The following USP17L7 variants were observed in gnomAD, a reference collection of about 807,000 sequenced individuals.
USP17L7 encodes ubiquitin specific peptidase 17 like family member 7, also known as inactive ubiquitin carboxyl-terminal hydrolase 17-like protein 7.
Under a neutral mutation model 37.6 loss-of-function variants are expected in USP17L7, and 53 were observed. The observed-to-expected ratio is 1.41, with a 90% CI of 1.13 to 1.77. The LOEUF is 1.77. USP17L7 is among the 40% of genes most tolerant of loss of function. The pLI is 0.00. For missense variants in USP17L7, 914 were observed against 645.0 expected (o/e 1.42, Z -4.52); for synonymous variants, 330 against 251.0 (o/e 1.31, Z -2.98).
rs573920491 is a variant in USP17L7 at position 12,133,580 on chromosome 8, G to A, written c.430C>T (p.Gln144Ter). ...CCAGCAGCCAATACCTGTGAGGGCT[G>A]GATGACATGGCCAGGACTGTGGAGG... ...WALHSPGHVI[Q>*]PSQVLAAGFH... Residue 144 changes from glutamine to a stop codon, truncating the protein, a stop_gained, in exon 1 of 1, where the codon CAG (glutamine) becomes TAG (stop). Coordinates refer to ENST00000530447, the MANE Select transcript of USP17L7 (RefSeq NM_001256869.2). LOFTEE classifies it high-confidence loss of function. 2 of 1,351,266 alleles carry A rather than the reference G, an allele frequency of 1.5e-6. No individual in the cohort carries two copies. Among genetic ancestry groups the A allele is most frequent in the Non-Finnish European group, 1.0e-6 (1 of 967,068 alleles). The allele number at this position is 1,351,266 out of a possible 1,614,324, so 83.7% of individuals were successfully genotyped here. A position where few individuals can be genotyped will look rare whatever the true frequency, so the allele number is the denominator to read the frequency against.
In USP17L7 at chr8:12,132,747, G is replaced by C. The variant is rs191378034; in HGVS notation, c.1263C>G (p.Asp421Glu). 5 of 1,530,748 alleles carry C rather than the reference G, an allele frequency of 3.3e-6. No individual in the cohort carries two copies. Among genetic ancestry groups the C allele is most frequent in the Admixed American group, 1.7e-5 (1 of 57,232 alleles). The allele number at this position is 1,530,748 out of a possible 1,614,324, so 94.8% of individuals were successfully genotyped here. A position where few individuals can be genotyped will look rare whatever the true frequency, so the allele number is the denominator to read the frequency against. ...GAGTGGCTCTTTCCACCAAGTGCTCGTCCAACTCGGGTACCTGGAGGCAAG... is the reference window on the plus strand; with the variant it reads ...GAGTGGCTCTTTCCACCAAGTGCTCCTCCAACTCGGGTACCTGGAGGCAAG... The part of the protein sequence containing the change: ...DHPCLQVPEL[D>E]EHLVERATQE... The change falls in exon 1 of 1, where the codon GAC becomes GAG. Residue 421 changes from aspartate to glutamate, a missense_variant. Transcript: ENST00000530447.
At position 12,133,663 on chromosome 8, in the gene USP17L7, G is replaced by T. The variant is rs150814956; in HGVS notation, c.347C>A (p.Thr116Lys). ...CATGCAGCACTTGTGAAGATGACAC[G>T]TTTGAGAGTCCTCCCGGGACAGCAT... is the stretch of plus-strand genomic sequence containing the variant. ...NYMLSREDSQ[T>K]CHLHKCCMFC... The change falls in exon 1 of 1, where the codon ACG becomes AAG. Residue 116 changes from threonine (T) to lysine (K), a missense_variant. Thr to Lys is a moderately conservative substitution (Grantham distance 78, BLOSUM62 -1). Coordinates refer to ENST00000530447, the MANE Select transcript of USP17L7 (RefSeq NM_001256869.2). 2.2e-3 allele frequency: 2,744 copies of T among 1,234,998 alleles called. 223 individuals carry two copies. In the African/African-American group the frequency reaches 0.036, roughly 16 times the overall value. The allele number at this position is 1,234,998 out of a possible 1,614,324, so 76.5% of individuals were successfully genotyped here. A position where few individuals can be genotyped will look rare whatever the true frequency, so the allele number is the denominator to read the frequency against.
At position 12,133,760 on chromosome 8, in the gene USP17L7, T is replaced by G. The variant is rs1394108707; in HGVS notation, c.250A>C (p.Lys84Gln). The G allele has an allele frequency of 6.8e-7, 1 of 1,462,192 alleles. No homozygotes were observed. The highest frequency in any genetic ancestry group is 1.4e-5 in the African/African-American group (1 of 70,694). The allele number at this position is 1,462,192 out of a possible 1,614,324, so 90.6% of individuals were successfully genotyped here. The stretch of plus-strand genomic sequence containing the variant: ...TTCACATAGAAGGTATTTCCTATCT[T>G]CTGGAGCCCAGCCCCCACCGCAGCA... ...RPAAVGAGLQ[K>Q]IGNTFYVNVS... Residue 84 changes from lysine to glutamine, a missense_variant, in exon 1 of 1, where the codon AAG becomes CAG. Physicochemically the swap from Lys to Gln is moderately conservative, Grantham distance 53 (BLOSUM62 1). Transcript: ENST00000530447.
At position 12,132,946 on chromosome 8, in the gene USP17L7, G is replaced by A; in HGVS notation, c.1064C>T (p.Thr355Ile). 2.0e-6 allele frequency: 3 copies of A among 1,529,588 alleles called. No homozygotes were observed. The highest frequency in any genetic ancestry group is 2.7e-6 in the Non-Finnish European group (3 of 1,125,106). 94.8% of individuals were successfully genotyped at this position (1,529,588 alleles called of 1,614,324 possible). The part of the protein sequence containing the change: ...QWYKMDDAEV[T>I]ASGITSVLSQ... ...CAGGACAGAGGTGATGCCAGAGGCA[G>A]TGACCTCGGCATCATCCATTTTATA... The change falls in exon 1 of 1, where the codon ACT (threonine) becomes ATT (isoleucine). Residue 355 changes from threonine to isoleucine, a missense_variant. Thr to Ile is a moderately conservative substitution (Grantham distance 89). Coordinates refer to ENST00000530447, the MANE Select transcript of USP17L7 (RefSeq NM_001256869.2).
rs1585159995 is a variant in USP17L7, at chr8:12,133,477, G to T, written c.533C>A (p.Pro178His). The change falls in exon 1 of 1, where the codon CCC (proline) becomes CAC (histidine). Residue 178 changes from proline to histidine, a missense_variant. By Grantham distance (77) the Pro-to-His change is moderately conservative (BLOSUM62 -2). Coordinates refer to ENST00000530447, the MANE Select transcript of USP17L7 (RefSeq NM_001256869.2). The part of the protein sequence containing the change: ...TVDAMKKACL[P>H]GHKQLDHHSK... ...GTGATGATCTAGCTGCTTGTGCCCG[G>T]GAAGGCATGCCTTTTTCATGGCATC... is the stretch of plus-strand genomic sequence containing the variant. The T allele has an allele frequency of 6.8e-7, 1 of 1,475,070 alleles. No homozygotes were observed. The highest frequency in any genetic ancestry group is 2.6e-5 in the East Asian group (1 of 38,296). The allele number at this position is 1,475,070 out of a possible 1,614,324, so 91.4% of individuals were successfully genotyped here. A position where few individuals can be genotyped will look rare whatever the true frequency, so the allele number is the denominator to read the frequency against.
rs1411629770 is a variant in USP17L7, at chr8:12,133,741, T to C, written c.269A>G (p.Tyr90Cys). 1 of 1,392,228 alleles carries C rather than the reference T, an allele frequency of 7.2e-7. No homozygotes were observed. The highest frequency in any genetic ancestry group is 1.0e-6 in the Non-Finnish European group (1 of 1,003,414). 86.2% of individuals were successfully genotyped at this position (1,392,228 alleles called of 1,614,324 possible). A position where few individuals can be genotyped will look rare whatever the true frequency, so the allele number is the denominator to read the frequency against. The change falls in exon 1 of 1, where the codon TAT becomes TGT. Residue 90 changes from tyrosine (Y) to cysteine (C), a missense_variant. By Grantham distance (194) the Tyr-to-Cys change is radical. Coordinates refer to ENST00000530447, the MANE Select transcript of USP17L7 (RefSeq NM_001256869.2). Reference sequence around the variant, plus strand: ...CAGGCACTGCAGGGAAACGTTCACATAGAAGGTATTTCCTATCTTCTGGAG... The same window carrying C: ...CAGGCACTGCAGGGAAACGTTCACACAGAAGGTATTTCCTATCTTCTGGAG... ...AGLQKIGNTF[Y>C]VNVSLQCLTY...
In USP17L7 at chr8:12,133,681, G is replaced by T. The variant is rs755205358; in HGVS notation, c.329C>A (p.Ser110Tyr). ...YTLPLSNYML[S>Y]REDSQTCHLH... ...ATGACACGTTTGAGAGTCCTCCCGG[G>T]ACAGCATGTAGTTGGAAAGCGGCAG... Residue 110 changes from serine (S) to tyrosine (Y), a missense_variant, in exon 1 of 1, where the codon TCC becomes TAC. Transcript: ENST00000530447. The T allele has an allele frequency of 1.6e-6, 2 of 1,256,248 alleles. 1 individual carries two copies. Among genetic ancestry groups the T allele is most frequent in the Non-Finnish European group, 2.3e-6 (2 of 879,386 alleles). The allele number at this position is 1,256,248 out of a possible 1,614,324, so 77.8% of individuals were successfully genotyped here.
In USP17L7 at chr8:12,133,541, C is replaced by T. The variant is rs765255328; in HGVS notation, c.469G>A (p.Glu157Lys). The T allele has an allele frequency of 1.9e-4, 270 of 1,438,508 alleles. 27 individuals carry two copies. Among genetic ancestry groups the T allele is most frequent in the Middle Eastern group, 2.5e-4 (1 of 3,970 alleles). The allele number at this position is 1,438,508 out of a possible 1,614,324, so 89.1% of individuals were successfully genotyped here. A position where few individuals can be genotyped will look rare whatever the true frequency, so the allele number is the denominator to read the frequency against. ...AGAAATTCATGGGCATCCTCCTGCTCACCTCTATGGAAGCCAGCAGCCAAT... is the reference window on the plus strand; with the variant it reads ...AGAAATTCATGGGCATCCTCCTGCTTACCTCTATGGAAGCCAGCAGCCAAT... ...QVLAAGFHRGEQEDAHEFLMF... is the reference protein window; with the variant it reads ...QVLAAGFHRGKQEDAHEFLMF... The change falls in exon 1 of 1, where the codon GAG (glutamate) becomes AAG (lysine). Residue 157 changes from glutamate to lysine, a missense_variant. Glu to Lys is a moderately conservative substitution (Grantham distance 56, BLOSUM62 1). Coordinates refer to ENST00000530447, the MANE Select transcript of USP17L7 (RefSeq NM_001256869.2).
Position 12,133,082 on chromosome 8 carries a change from G to T in USP17L7, c.928C>A (p.Gln310Lys). 1 of 1,491,176 alleles carries T rather than the reference G, an allele frequency of 6.7e-7. No homozygotes were observed. Among genetic ancestry groups the T allele is most frequent in the Non-Finnish European group, 9.1e-7 (1 of 1,093,056 alleles). The allele number at this position is 1,491,176 out of a possible 1,614,324, so 92.4% of individuals were successfully genotyped here. The change falls in exon 1 of 1, where the codon CAG becomes AAG. Residue 310 changes from glutamine to lysine, a missense_variant. Transcript: ENST00000530447. Reference protein sequence around the residue: ...CRDMQPYMSQQNTGPLVYVLY... With the variant: ...CRDMQPYMSQKNTGPLVYVLY... ...ACATAGACAAGAGGTCCTGTGTTCT[G>T]CTGAGACATGTATGGCTGCATGTCA...
At position 12,132,693 on chromosome 8, in the gene USP17L7, G is replaced by A. The variant is rs758444853; in HGVS notation, c.1317C>T (p.Phe439=). 6 of 1,544,452 alleles carry A rather than the reference G, an allele frequency of 3.9e-6. No individual in the cohort carries two copies. The highest frequency in any genetic ancestry group is 5.3e-6 in the Non-Finnish European group (6 of 1,139,624). Reference sequence around the variant, plus strand: ...GCTTCGTTTTGTTTTGCTCTTGGGGGAATTTCCAGTGGTCTAAGGTGCTTT... The same window carrying A: ...GCTTCGTTTTGTTTTGCTCTTGGGGAAATTTCCAGTGGTCTAAGGTGCTTT... ...TQESTLDHWK[F]PQEQNKTKPE... Residue 439 remains phenylalanine (F), a synonymous_variant, in exon 1 of 1, where the codon TTC becomes TTT. Coordinates refer to ENST00000530447, the MANE Select transcript of USP17L7 (RefSeq NM_001256869.2).
In USP17L7 at chr8:12,133,391, A is replaced by G. The variant is rs755475025; in HGVS notation, c.619T>C (p.Tyr207His). The part of the protein sequence containing the change: ...FGAYWRSQIK[Y>H]LHCHGVSDTF... ...TCTGAAACGCCGTGGCAGTGGAGAT[A>G]CTTGATTTGAGATCTCCAATACGCT... Residue 207 changes from tyrosine to histidine, a missense_variant, in exon 1 of 1, where the codon TAT (tyrosine) becomes CAT (histidine). Coordinates refer to ENST00000530447, the MANE Select transcript of USP17L7 (RefSeq NM_001256869.2). 8.9e-6 allele frequency: 13 copies of G among 1,456,740 alleles called. No individual in the cohort carries two copies. The highest frequency in any genetic ancestry group is 5.2e-5 in the East Asian group (2 of 38,216). 90.2% of individuals were successfully genotyped at this position (1,456,740 alleles called of 1,614,324 possible).
In USP17L7 at chr8:12,133,081, T is replaced by C. The variant is rs776115530; in HGVS notation, c.929A>G (p.Gln310Arg). 4.7e-6 allele frequency: 7 copies of C among 1,491,210 alleles called. No homozygotes were observed. The highest frequency in any genetic ancestry group is 6.4e-6 in the Non-Finnish European group (7 of 1,093,010). The allele number at this position is 1,491,210 out of a possible 1,614,324, so 92.4% of individuals were successfully genotyped here. A position where few individuals can be genotyped will look rare whatever the true frequency, so the allele number is the denominator to read the frequency against. ...CRDMQPYMSQ[Q>R]NTGPLVYVLY... ...GACATAGACAAGAGGTCCTGTGTTC[T>C]GCTGAGACATGTATGGCTGCATGTC... is the stretch of plus-strand genomic sequence containing the variant. Residue 310 changes from glutamine to arginine, a missense_variant, in exon 1 of 1, where the codon CAG (glutamine) becomes CGG (arginine). Transcript: ENST00000530447.
At position 12,133,973 on chromosome 8, in the gene USP17L7, G is replaced by A. The variant is rs761560267; in HGVS notation, c.37C>T (p.Gln13Ter). Residue 13 changes from glutamine to a stop codon, truncating the protein, a stop_gained, in exon 1 of 1, where the codon CAG (glutamine) becomes TAG (stop). Coordinates refer to ENST00000530447, the MANE Select transcript of USP17L7 (RefSeq NM_001256869.2). LOFTEE classifies it high-confidence loss of function. Reference protein sequence around the residue: ...DDSLYLGGDWQFNHFSKLTSS... With the variant: ...DDSLYLGGDW ...GTGAGTTTTGAAAAGTGATTGAACT[G>A]CCAGTCACCTCCCAAATAGAGTGAG... 5 of 1,162,334 alleles carry A rather than the reference G, an allele frequency of 4.3e-6. No homozygotes were observed. Among genetic ancestry groups the A allele is most frequent in the African/African-American group, 1.5e-5 (1 of 65,892 alleles). The allele number at this position is 1,162,334 out of a possible 1,614,324, so 72.0% of individuals were successfully genotyped here.
rs1319618275 is a variant in USP17L7, at chr8:12,133,886, G to A, written c.124C>T (p.Pro42Ser). 1.4e-5 allele frequency: 21 copies of A among 1,504,086 alleles called. 2 individuals carry two copies. Among genetic ancestry groups the A allele is most frequent in the Middle Eastern group, 2.4e-4 (1 of 4,104 alleles). 93.2% of individuals were successfully genotyped at this position (1,504,086 alleles called of 1,614,324 possible). A position where few individuals can be genotyped will look rare whatever the true frequency, so the allele number is the denominator to read the frequency against. ...TCGAAACGGGTCTCAGATGAGAGTGGTGACTTTTCAGAGAGAGAAGTCCGC... is the reference window on the plus strand; with the variant it reads ...TCGAAACGGGTCTCAGATGAGAGTGATGACTTTTCAGAGAGAGAAGTCCGC... ...IQRTSLSEKS[P>S]LSSETRFDLC... The change falls in exon 1 of 1, where the codon CCA (proline) becomes TCA (serine). Residue 42 changes from proline to serine, a missense_variant. Physicochemically the swap from Pro to Ser is moderately conservative, Grantham distance 74. Transcript: ENST00000530447.
Position 12,134,024 on chromosome 8 carries a change from G to A in USP17L7, c.-15C>T, listed in dbSNP as rs747645601. 2.5e-5 allele frequency: 24 copies of A among 954,800 alleles called. 4 individuals are homozygous for A. The Admixed American group carries it at 3.0e-4, about 12-fold the overall frequency. 59.1% of individuals were successfully genotyped at this position (954,800 alleles called of 1,614,324 possible). On this transcript the variant is annotated 5_prime_UTR_variant, in exon 1 of 1. Transcript: ENST00000530447. ...TCGTCTTCCATGTCGCCCGCAACAA[G>A]GATCACAAGGTTTTTCTGCTGGGAC... is the stretch of plus-strand genomic sequence containing the variant.
chr8:12,133,615 A>T lies in USP17L7; in HGVS notation c.395T>A (p.Ile132Asn), dbSNP rs1308378334. 3 of 1,250,362 alleles carry T rather than the reference A, an allele frequency of 2.4e-6. 1 individual carries two copies. The highest frequency in any genetic ancestry group is 2.7e-5 in the South Asian group (2 of 74,330). The allele number at this position is 1,250,362 out of a possible 1,614,324, so 77.5% of individuals were successfully genotyped here. Residue 132 changes from isoleucine to asparagine, a missense_variant, in exon 1 of 1, where the codon ATC becomes AAC. Ile to Asn is a moderately radical substitution (Grantham distance 149). Transcript: ENST00000530447. The part of the protein sequence containing the change: ...CCMFCTMQAH[I>N]TWALHSPGHV... Reference sequence around the variant, plus strand: ...GCCAGGACTGTGGAGGGCCCATGTGATGTGAGCTTGCATAGTACAGAACAT... The same window carrying T: ...GCCAGGACTGTGGAGGGCCCATGTGTTGTGAGCTTGCATAGTACAGAACAT...
Position 12,133,424 on chromosome 8 carries a change from T to G in USP17L7, c.586A>C (p.Ile196Leu). 1 of 1,458,142 alleles carries G rather than the reference T, an allele frequency of 6.9e-7. No homozygotes were observed. The highest frequency in any genetic ancestry group is 9.4e-7 in the Non-Finnish European group (1 of 1,069,412). The allele number at this position is 1,458,142 out of a possible 1,614,324, so 90.3% of individuals were successfully genotyped here. A position where few individuals can be genotyped will look rare whatever the true frequency, so the allele number is the denominator to read the frequency against. Residue 196 changes from isoleucine to leucine, a missense_variant, in exon 1 of 1, where the codon ATA becomes CTA. Physicochemically the swap from Ile to Leu is conservative, Grantham distance 5. Coordinates refer to ENST00000530447, the MANE Select transcript of USP17L7 (RefSeq NM_001256869.2). ...HSKDTTLIHQ[I>L]FGAYWRSQIK... is the part of the protein sequence containing the mutation. ...TGAGATCTCCAATACGCTCCAAATA[T>G]TTGGTGGATGAGGGTGGTGTCCTTG...
Position 12,133,244 on chromosome 8 carries a change from G to T in USP17L7, c.766C>A (p.Leu256Ile), listed in dbSNP as rs201847687. The T allele has an allele frequency of 9.9e-6, 15 of 1,508,934 alleles. No individual in the cohort carries two copies. Among genetic ancestry groups the T allele is most frequent in the Non-Finnish European group, 1.3e-5 (14 of 1,111,376 alleles). 93.5% of individuals were successfully genotyped at this position (1,508,934 alleles called of 1,614,324 possible). ...GAGGCAGGCGCCTTCTGGAGACAAAGACCACAATGATAGGCATTCTCTCCA... is the reference window on the plus strand; with the variant it reads ...GAGGCAGGCGCCTTCTGGAGACAAATACCACAATGATAGGCATTCTCTCCA... ...LNGENAYHCG[L>I]CLQKAPASKT... is the part of the protein sequence containing the mutation. The change falls in exon 1 of 1, where the codon CTT (leucine) becomes ATT (isoleucine). Residue 256 changes from leucine (L) to isoleucine (I), a missense_variant. Leu to Ile is a conservative substitution (Grantham distance 5). Coordinates refer to ENST00000530447, the MANE Select transcript of USP17L7 (RefSeq NM_001256869.2).
In USP17L7 at chr8:12,133,714, G is replaced by C. The variant is rs781211877; in HGVS notation, c.296C>G (p.Thr99Arg). 6.1e-6 allele frequency: 8 copies of C among 1,315,300 alleles called. 1 individual carries two copies. In the East Asian group the frequency reaches 8.0e-5, roughly 13 times the overall value. 81.5% of individuals were successfully genotyped at this position (1,315,300 alleles called of 1,614,324 possible). A position where few individuals can be genotyped will look rare whatever the true frequency, so the allele number is the denominator to read the frequency against. The change falls in exon 1 of 1, where the codon ACA (threonine) becomes AGA (arginine). Residue 99 changes from threonine (T) to arginine (R), a missense_variant. Physicochemically the swap from Thr to Arg is moderately conservative, Grantham distance 71. Transcript: ENST00000530447. The stretch of plus-strand genomic sequence containing the variant: ...GTAGTTGGAAAGCGGCAGTGTGTAT[G>C]TCAGGCACTGCAGGGAAACGTTCAC... Reference protein sequence around the residue: ...FYVNVSLQCLTYTLPLSNYML... With the variant: ...FYVNVSLQCLRYTLPLSNYML...
Sources: allele counts gnomAD v4.1 joint callset, GRCh38; gene constraint gnomAD v4.1.1; transcripts MANE v1.5; gene names NCBI Gene and HGNC (gene_info 2026-07-23, HGNC 2026-07-21).